DCC: variants seen among roughly 807,000 people sequenced by gnomAD.
DCC encodes the protein DCC netrin 1 receptor, also known as netrin receptor DCC.
In DCC, 58 loss-of-function variants were observed where a neutral mutation model predicts 172.5. That is an observed-to-expected ratio of 0.34 (90% CI 0.27 to 0.42). The LOEUF is 0.42. Ranked by LOEUF, DCC falls within the 10% of genes least tolerant of loss-of-function variation. DCC has a pLI of 1.00. For synonymous variants in DCC, 709 were observed against 644.5 expected (o/e 1.10, Z -1.52); for missense variants, 1,740 against 1,791.0 (o/e 0.97, Z 0.51).
intron 2 of DCC, among the ~76,000 whole-genome samples, chr18:52,840,237 A>T (rs535431751): frequency 6.6e-6 from 1 of 152,266 alleles, no homozygotes; most frequent in Admixed American, 6.5e-5. Context: ...TTCCAATCCT[A>T]TATGATTTTG....
intron 2 of DCC, among the ~76,000 whole-genome samples, chr18:52,768,378 C>T (rs535583799): frequency 6.6e-6 from 1 of 152,232 alleles, no homozygotes; most frequent in East Asian, 1.9e-4. Flanking sequence ...TATGGTAAAT[C>T]GCCAATGGGG....
intron 1 of DCC, among the ~76,000 whole-genome samples, chr18:52,446,056 C>CT (rs1156372631): frequency 6.6e-6 from 1 of 152,038 alleles, no homozygotes; most frequent in African/African-American, 2.4e-5. Flanking sequence ...CTCAGCCTCT[C>CT]TGAGTAGCTG....
chr18:53,391,667 C>T lies in DCC; in HGVS notation c.2468C>T (p.Pro823Leu), dbSNP rs1282143457. 9 of 1,613,018 alleles carry T rather than the reference C, an allele frequency of 5.6e-6. No homozygotes were observed. Among genetic ancestry groups the T allele is most frequent in the Non-Finnish European group, 7.6e-6 (9 of 1,179,108 alleles). Residue 823 changes from proline (P) to leucine (L), a missense_variant, in exon 17 of 29, where the codon CCA (proline) becomes CTA (leucine). Coordinates refer to ENST00000442544, the MANE Select transcript of DCC (RefSeq NM_005215.4). ...TTTTTAAACCCAGATCCCACTGACC[C>T]AGTTGATTATTATCCTTTGCTTGAT... ...TTRSITDPTD[P>L]VDYYPLLDDF... is the part of the protein sequence containing the mutation.
chr18:53,272,121 G>T, intron 12 of DCC, among the ~76,000 whole-genome samples: 1 of 152,042 alleles, frequency 6.6e-6, no homozygotes, highest in African/African-American at 2.4e-5. Flanking sequence ...TGAGTAATTT[G>T]TTTCACCCAG....
intron 5 of DCC, among the ~76,000 whole-genome samples, chr18:53,050,309 A>G (rs1469948006): frequency 6.6e-6 from 1 of 152,064 alleles, no homozygotes; most frequent in Non-Finnish European, 1.5e-5. Context: ...ATACACCCGG[A>G]AACAATATTT....
intron 7 of DCC, among the ~76,000 whole-genome samples, chr18:53,094,628 ATTACT>A (rs1208496483): frequency 1.1e-4 from 16 of 152,218 alleles, no homozygotes; most frequent in Non-Finnish European, 1.8e-4. Flanking sequence ...ATAATTTTAG[ATTACT>A]TTATATCTTC....
At chr18:53,461,019 C>A (rs1490649068) in intron 24 of DCC, among the ~76,000 whole-genome samples, 4 of 152,190 alleles carry the variant, frequency 2.6e-5, no homozygotes, top group African/African-American at 9.7e-5. Flanking sequence ...ATTTGCATTT[C>A]TCTGATGGCC....
intron 2 of DCC, among the ~76,000 whole-genome samples, chr18:52,844,137 G>C (rs866797016): frequency 6.6e-6 from 1 of 152,034 alleles, no homozygotes; most frequent in Non-Finnish European, 1.5e-5. Context: ...ACATAACAGA[G>C]ACAAAATACA....
intron 27 of DCC, among the ~76,000 whole-genome samples, chr18:53,518,047 T>C (rs1475396594): frequency 6.6e-6 from 1 of 152,118 alleles, no homozygotes; most frequent in African/African-American, 2.4e-5. Context: ...TGTAAATGAT[T>C]ATGTGACACT....
intron 26 of DCC, among the ~76,000 whole-genome samples, chr18:53,494,940 C>A (rs541914533): frequency 7.9e-5 from 12 of 152,214 alleles, no homozygotes; most frequent in Non-Finnish European, 5.9e-5. Context: ...TGGCTAGTAC[C>A]GGTTGTTCCT....
chr18:52,603,736 G>T lies in DCC; in HGVS notation c.92-148318G>T, dbSNP rs9953801. 9.4e-3 allele frequency among the ~76,000 whole-genome samples: 1,431 copies of T among 151,724 alleles called. 21 individuals are homozygous for T. Among genetic ancestry groups the T allele is most frequent in the African/African-American group, 0.031 (1,297 of 41,424 alleles). On this transcript the variant is annotated intron_variant, in intron 1 of 28. Coordinates refer to ENST00000442544, the MANE Select transcript of DCC (RefSeq NM_005215.4). Reference sequence around the variant, plus strand: ...AAAGGAATGACACTGCAAACATTAGGCCTGAAGAGAGAATTTTTTTGATTC... The same window carrying T: ...AAAGGAATGACACTGCAAACATTAGTCCTGAAGAGAGAATTTTTTTGATTC...
rs368263999 is a variant in DCC at position 52,711,236 on chromosome 18, T to G, written c.92-40818T>G. Among the ~76,000 whole-genome samples the G allele has an allele frequency of 3.3e-5, 5 of 152,302 alleles. No individual in the cohort carries two copies. The South Asian group carries it at 1.0e-3, about 32-fold the overall frequency. ...TGAGACCTTGTTTATTTATTTGTTT[T>G]TTTATTTTGAGATGGAATTTCACTC... On this transcript the variant is annotated intron_variant, in intron 1 of 28. Transcript: ENST00000442544.
Position 53,466,346 on chromosome 18 carries a change from C to G in DCC, c.3620-1548C>G, listed in dbSNP as rs927337491. Among the ~76,000 whole-genome samples the G allele has an allele frequency of 1.6e-3, 241 of 152,228 alleles. 1 individual carries two copies. Among genetic ancestry groups the G allele is most frequent in the Non-Finnish European group, 2.8e-3 (189 of 68,004 alleles). ...GGTCAGTCTTGTGATCCTTATTTCCCTCTTCTCTCTTCTATACAGACTTTC... is the reference window on the plus strand; with the variant it reads ...GGTCAGTCTTGTGATCCTTATTTCCGTCTTCTCTCTTCTATACAGACTTTC... On this transcript the variant is annotated intron_variant, in intron 24 of 28. Coordinates refer to ENST00000442544, the MANE Select transcript of DCC (RefSeq NM_005215.4).
intron 2 of DCC, among the ~76,000 whole-genome samples, chr18:52,808,832 T>A (rs899187492): frequency 1.3e-5 from 2 of 152,232 alleles, no homozygotes; most frequent in East Asian, 3.8e-4. Flanking sequence ...ATTCTTACTT[T>A]CCTCTCATGT....
At chr18:52,441,105 T>C (rs1987957644) in intron 1 of DCC, among the ~76,000 whole-genome samples, 1 of 152,226 alleles carries the variant, frequency 6.6e-6, no homozygotes, top group Non-Finnish European at 1.5e-5. Flanking sequence ...TATCTTTCTA[T>C]GATTAACTTC....
At chr18:52,714,353 GATC>G (rs1275646443) in intron 1 of DCC, among the ~76,000 whole-genome samples, 1 of 152,146 alleles carries the variant, frequency 6.6e-6, no homozygotes, top group South Asian at 2.1e-4. Context: ...TTGTGTTAAT[GATC>G]ATATAAAACT....
chr18:52,544,744 G>A (rs2032564886), intron 1 of DCC, among the ~76,000 whole-genome samples: 1 of 151,980 alleles, frequency 6.6e-6, no homozygotes, highest in African/African-American at 2.4e-5. Context: ...ATAGATAGAT[G>A]GATTGATAGA....
rs529572327 is a variant in DCC at position 52,561,153 on chromosome 18, G to A, written c.92-190901G>A. ...AAAAGTGATGATTTACAAATGTACA[G>A]GTATTATATAGGAGTTTGGTTAAAT... On this transcript the variant is annotated intron_variant, in intron 1 of 28. Coordinates refer to ENST00000442544, the MANE Select transcript of DCC (RefSeq NM_005215.4). Among the ~76,000 whole-genome samples, 12 of 151,776 alleles carry A rather than the reference G, an allele frequency of 7.9e-5. No individual in the cohort carries two copies. The South Asian group carries it at 2.1e-3, about 26-fold the overall frequency.
intron 5 of DCC, among the ~76,000 whole-genome samples, chr18:53,040,350 A>G (rs2042153119): frequency 2.0e-5 from 3 of 152,100 alleles, no homozygotes; most frequent in East Asian, 1.9e-4. Flanking sequence ...AGTAAGCCCT[A>G]TTTCTCTGTA....
Sources: gnomAD v4.1 joint callset for allele counts (sites outside exome capture counted in the v4.1 genomes callset) on GRCh38, gnomAD v4.1.1 for gene constraint, MANE v1.5 for transcripts, NCBI Gene and HGNC (gene_info 2026-07-23, HGNC 2026-07-21) for gene names.